Variants in AGAP1 observed in about 807,000 individuals in gnomAD.
The protein encoded by AGAP1 is arf-GAP with GTPase, ANK repeat and PH domain-containing protein 1.
A neutral mutation model predicts 105.3 loss-of-function variants in AGAP1; 29 were observed. The ratio of observed to expected loss-of-function variants is 0.28; its 90% CI spans 0.21 to 0.38. The LOEUF (loss-of-function observed/expected upper bound fraction) is 0.38, where lower values mean the gene tolerates loss of function less well. AGAP1 is among the 10% of genes least tolerant of loss of function. The pLI is 1.00. For missense variants in AGAP1, 998 were observed against 1,165.1 expected, an observed-to-expected ratio of 0.86 and a Z score of 2.09; for synonymous variants, 509 against 485.9, an observed-to-expected ratio of 1.05 and a Z score of -0.63.
chr2:235,750,142 C>T lies in AGAP1; in HGVS notation c.539-212C>T, dbSNP rs979469448. 3.9e-5 allele frequency among the ~76,000 whole-genome samples: 6 copies of T among 152,258 alleles called. No individual in the cohort carries two copies. The highest frequency in any genetic ancestry group is 6.5e-5 in the Admixed American group (1 of 15,302). Reference sequence around the variant, plus strand: ...CATTTTAAAATTGCAGTTTCAGAAGCGCTCCTGTAAAACAAATATCTACGA... The same window carrying T: ...CATTTTAAAATTGCAGTTTCAGAAGTGCTCCTGTAAAACAAATATCTACGA... On this transcript the variant is annotated intron_variant, in intron 5 of 17. Coordinates refer to ENST00000304032, the MANE Select transcript of AGAP1 (RefSeq NM_001037131.3). This position sits in a 1 kb window ranked among gnomAD's most constrained non-coding sequence, Gnocchi z 5.3.
intron 16 of AGAP1, among the ~76,000 whole-genome samples, chr2:236,098,779 C>T (rs931956622): frequency 1.3e-5 from 2 of 151,652 alleles, no homozygotes; most frequent in Non-Finnish European, 2.9e-5. Context: ...CGTGCACCAC[C>T]ATACCCAGCT....
At position 235,994,001 on chromosome 2, in the gene AGAP1, A is replaced by G. The variant is rs986908288; in HGVS notation, c.1645+25378A>G. ...CTAGGTGTTTTTTTTTAGCTTGGGA[A>G]AGTTACGATGACCCATAAGCCTGCT... On this transcript the variant is annotated intron_variant, in intron 13 of 17. Coordinates refer to ENST00000304032, the MANE Select transcript of AGAP1 (RefSeq NM_001037131.3). The surrounding 1 kb of genome is among the most constrained non-coding windows in gnomAD (Gnocchi z 4.4). Among the ~76,000 whole-genome samples, 1 of 152,062 alleles carries G rather than the reference A, an allele frequency of 6.6e-6. No individual in the cohort carries two copies. Among genetic ancestry groups the G allele is most frequent in the African/African-American group, 2.4e-5 (1 of 41,376 alleles).
In AGAP1 at chr2:236,058,427, AAATC is replaced by A. The variant is rs2058103043; in HGVS notation, c.2114+9154_2114+9157del. On this transcript the variant is annotated intron_variant, in intron 16 of 17. Coordinates refer to ENST00000304032, the MANE Select transcript of AGAP1 (RefSeq NM_001037131.3). This position sits in a 1 kb window ranked among gnomAD's most constrained non-coding sequence, Gnocchi z 4.6. ...AAGGCAAGGTTGGTTCGACACGCAA[AAATC>A]AATCAATGTGATATACCACATTAAT... Among the ~76,000 whole-genome samples the A allele has an allele frequency of 6.6e-6, 1 of 152,232 alleles. No homozygotes were observed. Among genetic ancestry groups the A allele is most frequent in the South Asian group, 2.1e-4 (1 of 4,836 alleles).
chr2:235,920,368 G>A (rs1438835791), intron 11 of AGAP1, among the ~76,000 whole-genome samples: 1 of 152,218 alleles, frequency 6.6e-6, no homozygotes, highest in Non-Finnish European at 1.5e-5. Flanking sequence ...GGATGACTCT[G>A]GCGCTCCAGC....
rs142654699 is a variant in AGAP1 at position 235,649,903 on chromosome 2, C to G, written c.164-59276C>G. ...GCTTCCCTTATTTTACTGTGGAGTGCCTTTTATACCAGAGTAGTGGCTTTC... is the reference window on the plus strand; with the variant it reads ...GCTTCCCTTATTTTACTGTGGAGTGGCTTTTATACCAGAGTAGTGGCTTTC... On this transcript the variant is annotated intron_variant, in intron 1 of 17. Coordinates refer to ENST00000304032, the MANE Select transcript of AGAP1 (RefSeq NM_001037131.3). Among the ~76,000 whole-genome samples, 712 of 152,266 alleles carry G rather than the reference C, an allele frequency of 4.7e-3. 2 individuals carry two copies. Among genetic ancestry groups the G allele is most frequent in the African/African-American group, 0.016 (671 of 41,554 alleles).
At chr2:235,857,632 CCA>C (rs888393199) in intron 9 of AGAP1, among the ~76,000 whole-genome samples, 4 of 152,208 alleles carry the variant, frequency 2.6e-5, no homozygotes, top group Non-Finnish European at 5.9e-5. Flanking sequence ...GTCTGTTTCT[CCA>C]CATATACACC....
At chr2:236,110,685 C>T (rs1266630492) in intron 16 of AGAP1, among the ~76,000 whole-genome samples, 1 of 152,224 alleles carries the variant, frequency 6.6e-6, no homozygotes, top group African/African-American at 2.4e-5. Context: ...AGTGACTCTA[C>T]ATTTATATAA....
intron 9 of AGAP1, among the ~76,000 whole-genome samples, chr2:235,835,742 T>C (rs1212071496): frequency 6.6e-6 from 1 of 152,238 alleles, no homozygotes; most frequent in Non-Finnish European, 1.5e-5. Context: ...GTTTGTATCA[T>C]GTTAAGCTTT....
At position 235,553,151 on chromosome 2, in the gene AGAP1, G is replaced by A. The variant is rs1324242547; in HGVS notation, c.163+58302G>A. On this transcript the variant is annotated intron_variant, in intron 1 of 17. Transcript: ENST00000304032. The surrounding 1 kb of genome is among the most constrained non-coding windows in gnomAD (Gnocchi z 4.5). ...CAGACTTGAGAGACAAGGGTTGGTG[G>A]GAGAAACAGCAGGTATATTTGAAAA... Among the ~76,000 whole-genome samples, 2 of 152,096 alleles carry A rather than the reference G, an allele frequency of 1.3e-5. No individual in the cohort carries two copies. Among genetic ancestry groups the A allele is most frequent in the African/African-American group, 4.8e-5 (2 of 41,402 alleles).
chr2:235,861,698 G>T (rs941479463), intron 9 of AGAP1, among the ~76,000 whole-genome samples: 2 of 152,170 alleles, frequency 1.3e-5, no homozygotes, highest in South Asian at 4.1e-4. Context: ...CTGACTGCTT[G>T]TCTGTAGAAA....
Position 236,087,587 on chromosome 2 carries a change from G to C in AGAP1, c.2115-32605G>C, listed in dbSNP as rs779316544. 6.6e-6 allele frequency among the ~76,000 whole-genome samples: 1 copy of C among 152,142 alleles called. No individual in the cohort carries two copies. Among genetic ancestry groups the C allele is most frequent in the Non-Finnish European group, 1.5e-5 (1 of 68,042 alleles). ...GCTCATGCCCACCTCTGACTAGTTT[G>C]ATGTTCTGAATCAGGCCCCTTGGTT... On this transcript the variant is annotated intron_variant, in intron 16 of 17. Coordinates refer to ENST00000304032, the MANE Select transcript of AGAP1 (RefSeq NM_001037131.3). The surrounding 1 kb of genome is among the most constrained non-coding windows in gnomAD (Gnocchi z 5.7).
intron 1 of AGAP1, among the ~76,000 whole-genome samples, chr2:235,593,650 T>A (rs1428085135): frequency 6.6e-6 from 1 of 152,148 alleles, no homozygotes; most frequent in East Asian, 1.9e-4. Context: ...TGTATTCAAA[T>A]CGTGTAGCGC....
intron 16 of AGAP1, among the ~76,000 whole-genome samples, chr2:236,088,767 TGTA>T (rs1258413669): frequency 2.0e-5 from 3 of 152,244 alleles, no homozygotes; most frequent in African/African-American, 4.8e-5. Flanking sequence ...ATGCCACAAT[TGTA>T]GCCCTGTCCC....
chr2:235,871,650 T>C (rs2049446101), intron 9 of AGAP1, among the ~76,000 whole-genome samples: 1 of 152,202 alleles, frequency 6.6e-6, no homozygotes, highest in Non-Finnish European at 1.5e-5. Context: ...TGTTGCTGCA[T>C]AAGGATCCAC....
At chr2:236,048,923 G>A in intron 15 of AGAP1, 136 bp from the exon 16 acceptor site, 1 of 774,832 alleles carries the variant, frequency 1.3e-6, no homozygotes. Context: ...CACTGGCTAG[G>A]GAGCATTTTT....
rs66689239 is a variant in AGAP1 at position 235,662,517 on chromosome 2, A to ATT, written c.164-46644_164-46643dup. The stretch of plus-strand genomic sequence containing the variant: ...CTGTCTGCCTTCATGGAAGTTGGTG[A>ATT]TTTTTTTTTTTTTTTTTTTGGCTCT... On this transcript the variant is annotated intron_variant, in intron 1 of 17. Coordinates refer to ENST00000304032, the MANE Select transcript of AGAP1 (RefSeq NM_001037131.3). This position sits in a 1 kb window ranked among gnomAD's most constrained non-coding sequence, Gnocchi z 4.2. Among the ~76,000 whole-genome samples, 13 of 124,620 alleles carry ATT rather than the reference A, an allele frequency of 1.0e-4. No individual in the cohort carries two copies. Among genetic ancestry groups the ATT allele is most frequent in the African/African-American group, 2.7e-4 (9 of 33,514 alleles). The allele number at this position is 124,620 out of a possible 152,430, so 81.8% of individuals were successfully genotyped here.
intron 1 of AGAP1, among the ~76,000 whole-genome samples, chr2:235,676,407 C>T (rs755052497): frequency 2.0e-5 from 3 of 152,120 alleles, no homozygotes; most frequent in Non-Finnish European, 4.4e-5. Context: ...ATGGGTGGAA[C>T]TAATGAGAGA....
chr2:235,527,286 T>C (rs1942875380), intron 1 of AGAP1, among the ~76,000 whole-genome samples: 1 of 152,208 alleles, frequency 6.6e-6, no homozygotes, highest in African/African-American at 2.4e-5. Context: ...CAAGCAGTTA[T>C]TAATAAGTGG....
Position 236,130,430 on chromosome 2 carries a change from T to TG in AGAP1, c.*6312dup, listed in dbSNP as rs2125997590. 2 of 152,288 alleles carry TG rather than the reference T, an allele frequency of 1.3e-5. No homozygotes were observed. Among genetic ancestry groups the TG allele is most frequent in the African/African-American group, 4.8e-5 (2 of 41,552 alleles). The allele number at this position is 152,288 out of a possible 1,614,324, so 9.4% of individuals were successfully genotyped here. On this transcript the variant is annotated 3_prime_UTR_variant, in exon 18 of 18. Coordinates refer to ENST00000304032, the MANE Select transcript of AGAP1 (RefSeq NM_001037131.3). The surrounding 1 kb of genome is among the most constrained non-coding windows in gnomAD (Gnocchi z 5.8). ...GGAACCAAACAAGGCATGAGTGTGT[T>TG]GGGGAATCTTCCCAGTGGAGCAAAC... is the stretch of plus-strand genomic sequence containing the variant.
Sources: allele counts gnomAD v4.1 joint callset (sites outside exome capture counted in the v4.1 genomes callset), GRCh38; gene constraint gnomAD v4.1.1; non-coding constraint Gnocchi (gnomAD v3.1); transcripts MANE v1.5; gene names NCBI Gene and HGNC (gene_info 2026-07-23, HGNC 2026-07-21).